Variants in FBXL7 observed in about 807,000 individuals in gnomAD.
The protein encoded by FBXL7 is F-box/LRR-repeat protein 7.
A neutral mutation model predicts 38.3 loss-of-function variants in FBXL7; 12 were observed. That is an observed-to-expected ratio of 0.31 (90% CI 0.20 to 0.51). The LOEUF (loss-of-function observed/expected upper bound fraction) is 0.51, where lower values mean the gene tolerates loss of function less well. FBXL7 is among the 20% of genes least tolerant of loss of function. The probability of loss-of-function intolerance (pLI) is 0.98; values close to 1 mark genes in which losing one functional copy is unlikely to be tolerated. For missense variants in FBXL7, 567 were observed against 676.4 expected (o/e 0.84, Z 1.79); for synonymous variants, 297 against 300.9 (o/e 0.99, Z 0.13).
chr5:15,596,497 C>G (rs2126487384), intron 1 of FBXL7, among the ~76,000 whole-genome samples: 1 of 152,024 alleles, frequency 6.6e-6, no homozygotes, highest in African/African-American at 2.4e-5. Flanking sequence ...ACCCTGTCTC[C>G]ACAAAAATAA....
chr5:15,625,001 A>C (rs1740766808), intron 2 of FBXL7, among the ~76,000 whole-genome samples: 1 of 151,366 alleles, frequency 6.6e-6, no homozygotes, highest in Admixed American at 6.6e-5. Flanking sequence ...TTTTCCCATG[A>C]GTTGGAGTAT....
intron 2 of FBXL7, among the ~76,000 whole-genome samples, chr5:15,846,652 T>C (rs1738912263): frequency 6.6e-6 from 1 of 152,240 alleles, no homozygotes; most frequent in Non-Finnish European, 1.5e-5. Flanking sequence ...TGCTTCTGAC[T>C]GGTTGAGCTT....
rs937624534 is a variant in FBXL7 at position 15,679,558 on chromosome 5, G to T, written c.127+63486G>T. On this transcript the variant is annotated intron_variant, in intron 2 of 3. Coordinates refer to ENST00000504595, the MANE Select transcript of FBXL7 (RefSeq NM_012304.5). ...ATTAGCAGCCATAATATGCTTCATTGTTTTTTTTTTTTTTTTTTTCAGAAT... is the reference window on the plus strand; with the variant it reads ...ATTAGCAGCCATAATATGCTTCATTTTTTTTTTTTTTTTTTTTTTCAGAAT... 2.0e-3 allele frequency among the ~76,000 whole-genome samples: 244 copies of T among 125,032 alleles called. 1 individual carries two copies. The highest frequency in any genetic ancestry group is 5.6e-3 in the African/African-American group (188 of 33,802). 82.0% of individuals were successfully genotyped at this position (125,032 alleles called of 152,430 possible). A position where few individuals can be genotyped will look rare whatever the true frequency, so the allele number is the denominator to read the frequency against.
At chr5:15,797,885 C>A (rs1229841322) in intron 2 of FBXL7, among the ~76,000 whole-genome samples, 9 of 152,202 alleles carry the variant, frequency 5.9e-5, no homozygotes, top group Non-Finnish European at 1.0e-4. Flanking sequence ...TTGAAGTCAT[C>A]TCAGTCATAG....
At chr5:15,822,423 G>C (rs1026141626) in intron 2 of FBXL7, among the ~76,000 whole-genome samples, 1 of 152,008 alleles carries the variant, frequency 6.6e-6, no homozygotes. Context: ...CAGGCAATGA[G>C]GGCAACAGGC....
Position 15,936,830 on chromosome 5 carries a change from T to C in FBXL7, c.1120T>C (p.Tyr374His). 1 of 1,613,580 alleles carries C rather than the reference T, an allele frequency of 6.2e-7. No individual in the cohort carries two copies. Among genetic ancestry groups the C allele is most frequent in the Middle Eastern group, 1.6e-4 (1 of 6,062 alleles). Reference sequence around the variant, plus strand: ...CGTGGGCATCCGCTACGTGGCCAAGTACTGCAGCAAGCTGCGCTACCTCAA... The same window carrying C: ...CGTGGGCATCCGCTACGTGGCCAAGCACTGCAGCAAGCTGCGCTACCTCAA... ...TDVGIRYVAK[Y>H]CSKLRYLNAR... Residue 374 changes from tyrosine to histidine, a missense_variant, in exon 4 of 4, where the codon TAC becomes CAC. Tyr to His is a moderately conservative substitution (Grantham distance 83). Transcript: ENST00000504595. This position sits in a 1 kb window ranked among gnomAD's most constrained non-coding sequence, Gnocchi z 6.0.
chr5:15,781,293 G>T (rs1736983742), intron 2 of FBXL7, among the ~76,000 whole-genome samples: 1 of 152,108 alleles, frequency 6.6e-6, no homozygotes, highest in South Asian at 2.1e-4. Flanking sequence ...CGTTCAAAAA[G>T]TAAGAAGCAG....
chr5:15,634,157 T>C (rs1291358868), intron 2 of FBXL7, among the ~76,000 whole-genome samples: 1 of 152,050 alleles, frequency 6.6e-6, no homozygotes, highest in Non-Finnish European at 1.5e-5. Flanking sequence ...TGCTAACAAG[T>C]AAAAATTTAG....
chr5:15,799,093 A>G (rs1311728395), intron 2 of FBXL7, among the ~76,000 whole-genome samples: 1 of 152,262 alleles, frequency 6.6e-6, no homozygotes, highest in Non-Finnish European at 1.5e-5. Context: ...GCAATTGAAT[A>G]CAAGAGTGAA....
At chr5:15,925,284 T>C (rs1247148982) in intron 2 of FBXL7, among the ~76,000 whole-genome samples, 1 of 152,216 alleles carries the variant, frequency 6.6e-6, no homozygotes, top group Admixed American at 6.5e-5. Flanking sequence ...AGGGATCCTA[T>C]CCCAAAGACA....
At chr5:15,504,142 T>C (rs1423433951) in intron 1 of FBXL7, among the ~76,000 whole-genome samples, 1 of 152,260 alleles carries the variant, frequency 6.6e-6, no homozygotes, top group Non-Finnish European at 1.5e-5. Context: ...GAGCATTGAC[T>C]TGGGAGTCTA....
chr5:15,660,845 C>T (rs540448879), intron 2 of FBXL7, among the ~76,000 whole-genome samples: 8 of 152,098 alleles, frequency 5.3e-5, no homozygotes, highest in African/African-American at 9.7e-5. Flanking sequence ...GATAGTACAC[C>T]GAGGTCCTTC....
At chr5:15,845,500 A>G (rs185465097) in intron 2 of FBXL7, among the ~76,000 whole-genome samples, 83 of 152,248 alleles carry the variant, frequency 5.5e-4, no homozygotes, top group African/African-American at 1.8e-3. Context: ...TAGTATAAAT[A>G]ATTGGAAGGA....
intron 2 of FBXL7, among the ~76,000 whole-genome samples, chr5:15,661,493 A>G (rs1376513327): frequency 1.3e-5 from 2 of 152,176 alleles, no homozygotes; most frequent in Non-Finnish European, 2.9e-5. Context: ...GAAGCAAAGC[A>G]TTGTCTTCAA....
chr5:15,787,733 G>C (rs553928145), intron 2 of FBXL7, among the ~76,000 whole-genome samples: 7 of 152,262 alleles, frequency 4.6e-5, no homozygotes, highest in African/African-American at 1.7e-4. Flanking sequence ...AATTTAGAGA[G>C]GAAAGAAATA....
intron 1 of FBXL7, among the ~76,000 whole-genome samples, chr5:15,526,865 G>A (rs2126383931): frequency 6.6e-6 from 1 of 152,318 alleles, no homozygotes; most frequent in Admixed American, 6.5e-5. Flanking sequence ...TCTATGCCAA[G>A]GATGGATTTT....
intron 2 of FBXL7, among the ~76,000 whole-genome samples, chr5:15,743,102 T>C (rs1735932995): frequency 6.6e-6 from 1 of 152,080 alleles, no homozygotes; most frequent in Non-Finnish European, 1.5e-5. Flanking sequence ...AACCATATCA[T>C]CTCACTCCTG....
At chr5:15,535,697 A>G (rs1226345911) in intron 1 of FBXL7, among the ~76,000 whole-genome samples, 1 of 152,242 alleles carries the variant, frequency 6.6e-6, no homozygotes, top group African/African-American at 2.4e-5. Context: ...TGTGTTCACA[A>G]AGAGATAATC....
intron 2 of FBXL7, among the ~76,000 whole-genome samples, chr5:15,900,357 T>A (rs1022719153): frequency 3.3e-5 from 5 of 152,226 alleles, no homozygotes; most frequent in South Asian, 2.1e-4. Flanking sequence ...GTAACATCAA[T>A]CTATACCAAA....
Sources: gnomAD v4.1 joint callset for allele counts (sites outside exome capture counted in the v4.1 genomes callset) on GRCh38, gnomAD v4.1.1 for gene constraint, Gnocchi (gnomAD v3.1) non-coding constraint, MANE v1.5 for transcripts, NCBI Gene and HGNC (gene_info 2026-07-23, HGNC 2026-07-21) for gene names.